The following AGBL4 variants were observed in gnomAD, a reference collection of about 807,000 sequenced individuals.
AGBL4 encodes the protein AGBL carboxypeptidase 4, also known as cytosolic carboxypeptidase 6.
Under a neutral mutation model 66.4 loss-of-function variants are expected in AGBL4, and 58 were observed. The observed-to-expected ratio is 0.87, with a 90% CI of 0.71 to 1.09. The LOEUF (loss-of-function observed/expected upper bound fraction) is 1.09, where lower values mean the gene tolerates loss of function less well. Among genes scored for constraint, AGBL4 ranks in the 50% least tolerant of loss-of-function variants. The pLI is 0.00. For synonymous variants in AGBL4, 234 were observed against 222.9 expected, an observed-to-expected ratio of 1.05 and a Z score of -0.44; for missense variants, 579 against 631.0, an observed-to-expected ratio of 0.92 and a Z score of 0.88.
At chr1:49,222,704 C>T (rs1048766175) in intron 4 of AGBL4, among the ~76,000 whole-genome samples, 1 of 152,198 alleles carries the variant, frequency 6.6e-6, no homozygotes, top group African/African-American at 2.4e-5. Context: ...TGTCCAAATG[C>T]ATGGCTTCCT....
At chr1:49,930,070 G>T (rs1031365701) in intron 1 of AGBL4, among the ~76,000 whole-genome samples, 6 of 151,846 alleles carry the variant, frequency 4.0e-5, no homozygotes, top group African/African-American at 1.4e-4. Context: ...CACTTCACAT[G>T]GTGATCAATA....
chr1:49,566,683 C>A (rs913183009), intron 3 of AGBL4, among the ~76,000 whole-genome samples: 2 of 152,158 alleles, frequency 1.3e-5, no homozygotes, highest in Non-Finnish European at 2.9e-5. Context: ...GGGTACCTGG[C>A]TTTGTGAGGT....
intron 6 of AGBL4, among the ~76,000 whole-genome samples, chr1:48,820,595 C>T (rs1157844892): frequency 6.6e-6 from 1 of 152,302 alleles, no homozygotes; most frequent in East Asian, 1.9e-4. Flanking sequence ...TCTTACCTCC[C>T]TGATTTTGAA....
intron 3 of AGBL4, among the ~76,000 whole-genome samples, chr1:49,377,086 G>A (rs1014400314): frequency 1.3e-5 from 2 of 152,012 alleles, no homozygotes; most frequent in African/African-American, 4.8e-5. Context: ...TCCGGAGTAG[G>A]TATGAGAGAG....
chr1:48,907,588 C>A (rs1570972644), intron 5 of AGBL4, among the ~76,000 whole-genome samples: 1 of 152,172 alleles, frequency 6.6e-6, no homozygotes, highest in East Asian at 1.9e-4. Context: ...CTACGCAATT[C>A]ATCATTCCAT....
At chr1:49,344,758 G>T (rs1267441348) in intron 3 of AGBL4, among the ~76,000 whole-genome samples, 1 of 152,112 alleles carries the variant, frequency 6.6e-6, no homozygotes, top group African/African-American at 2.4e-5. Flanking sequence ...GACATTAATA[G>T]CAGTATATTA....
At chr1:48,913,937 G>C (rs1653365877) in intron 5 of AGBL4, among the ~76,000 whole-genome samples, 1 of 152,132 alleles carries the variant, frequency 6.6e-6, no homozygotes, top group Non-Finnish European at 1.5e-5. Context: ...CGAATCTGGG[G>C]AAAGATAATG....
chr1:49,474,728 A>G (rs1454184618), intron 3 of AGBL4, among the ~76,000 whole-genome samples: 1 of 152,146 alleles, frequency 6.6e-6, no homozygotes, highest in East Asian at 1.9e-4. Context: ...GGTATAAAAA[A>G]GGTATTGAAG....
chr1:48,886,063 G>A (rs928315146), intron 5 of AGBL4, among the ~76,000 whole-genome samples: 1 of 152,216 alleles, frequency 6.6e-6, no homozygotes, highest in Non-Finnish European at 1.5e-5. Context: ...ATCTTGGGGA[G>A]AGAGAGGTCA....
chr1:49,403,778 C>A (rs561347534), intron 3 of AGBL4, among the ~76,000 whole-genome samples: 1 of 152,102 alleles, frequency 6.6e-6, no homozygotes, highest in Non-Finnish European at 1.5e-5. Flanking sequence ...CAAGGCCCTG[C>A]TTGATTTATT....
intron 5 of AGBL4, among the ~76,000 whole-genome samples, chr1:49,042,447 T>A (rs759470426): frequency 1.4e-4 from 22 of 152,180 alleles, no homozygotes; most frequent in Admixed American, 1.1e-3. Flanking sequence ...CACCAATTTT[T>A]AGCTAAAACT....
intron 5 of AGBL4, among the ~76,000 whole-genome samples, chr1:49,031,905 A>G (rs1664259454): frequency 6.6e-6 from 1 of 152,186 alleles, no homozygotes; most frequent in Admixed American, 6.5e-5. Flanking sequence ...TAAAAGAGAA[A>G]TAGAATATAT....
At chr1:49,666,827 G>A (rs1029942236) in intron 3 of AGBL4, among the ~76,000 whole-genome samples, 11 of 152,152 alleles carry the variant, frequency 7.2e-5, no homozygotes, top group Non-Finnish European at 1.3e-4. Flanking sequence ...GATTTACCAA[G>A]AGGTTAAATA....
rs116811133 is a variant in AGBL4, at chr1:48,676,223, C to G, written c.635-12982G>C. On this transcript the variant is annotated intron_variant, in intron 6 of 13. Coordinates refer to ENST00000371839, the MANE Select transcript of AGBL4 (RefSeq NM_032785.4). ...CTTTCAGTATTACTGATTTCAGAAA[C>G]CTTCAGTCCTACCTTCCACCTTCTG... is the stretch of plus-strand genomic sequence containing the variant. 5.0e-3 allele frequency among the ~76,000 whole-genome samples: 756 copies of G among 152,372 alleles called. 7 individuals are homozygous for G. Among genetic ancestry groups the G allele is most frequent in the African/African-American group, 0.017 (725 of 41,592 alleles).
intron 6 of AGBL4, among the ~76,000 whole-genome samples, chr1:48,775,533 T>C (rs139336722): frequency 2.7e-3 from 411 of 152,304 alleles, no homozygotes; most frequent in Non-Finnish European, 3.2e-3. Flanking sequence ...TTTGCCCACT[T>C]TAAGGTTCAT....
At chr1:49,820,060 A>C (rs1296457944) in intron 2 of AGBL4, among the ~76,000 whole-genome samples, 3 of 152,086 alleles carry the variant, frequency 2.0e-5, no homozygotes, top group Non-Finnish European at 2.9e-5. Flanking sequence ...CTTGTGTGAG[A>C]CTTCCCACAT....
At chr1:49,811,432 T>C (rs2147971006) in intron 2 of AGBL4, among the ~76,000 whole-genome samples, 1 of 152,260 alleles carries the variant, frequency 6.6e-6, no homozygotes, top group African/African-American at 2.4e-5. Flanking sequence ...CTTGGGTACT[T>C]ACAAAGTTCA....
At chr1:48,692,914 C>G (rs1646656490) in intron 6 of AGBL4, among the ~76,000 whole-genome samples, 1 of 152,308 alleles carries the variant, frequency 6.6e-6, no homozygotes, top group South Asian at 2.1e-4. Context: ...CTCTGCCAGG[C>G]ACTGTTGTAG....
intron 4 of AGBL4, among the ~76,000 whole-genome samples, chr1:49,114,376 G>T (rs1236017242): frequency 6.6e-6 from 1 of 152,142 alleles, no homozygotes; most frequent in African/African-American, 2.4e-5. Flanking sequence ...GAGAGTTAGA[G>T]CCTTGATCTG....
Sources: allele counts gnomAD v4.1 joint callset (sites outside exome capture counted in the v4.1 genomes callset), GRCh38; gene constraint gnomAD v4.1.1; transcripts MANE v1.5; gene names NCBI Gene and HGNC (gene_info 2026-07-23, HGNC 2026-07-21).